LYPD6: variants seen among roughly 807,000 people sequenced by gnomAD.
The protein encoded by LYPD6 is LY6/PLAUR domain containing 6, also known as ly6/PLAUR domain-containing protein 6.
In LYPD6, 15 loss-of-function variants were observed where a neutral mutation model predicts 22.7. The ratio of observed to expected loss-of-function variants is 0.66; its 90% CI spans 0.44 to 1.02. The LOEUF (loss-of-function observed/expected upper bound fraction) is 1.02. Among genes scored for constraint, LYPD6 ranks in the 50% least tolerant of loss-of-function variants. The pLI, the probability that LYPD6 is intolerant of heterozygous loss-of-function variation, is 0.00. For synonymous variants in LYPD6, 72 were observed against 77.5 expected (o/e 0.93, Z 0.37); for missense variants, 189 against 208.4 (o/e 0.91, Z 0.57).
At chr2:149,378,919 A>G (rs76402136) in intron 1 of LYPD6, among the ~76,000 whole-genome samples, 4,839 of 152,316 alleles carry the variant, frequency 0.032, 240 homozygotes, top group African/African-American at 0.11. Flanking sequence ...CGGAATATAG[A>G]TCACAAAAAG....
At position 149,338,488 on chromosome 2, in the gene LYPD6, T is replaced by C. The variant is rs146111846; in HGVS notation, c.-72+7766T>C. Among the ~76,000 whole-genome samples, 800 of 152,274 alleles carry C rather than the reference T, an allele frequency of 5.3e-3. 4 individuals carry two copies. Among genetic ancestry groups the C allele is most frequent in the Middle Eastern group, 0.01 (3 of 294 alleles). ...TGTAATAGTATCAAAAGGTGGGGCC[T>C]TTTGGACAGAGCCCTCATGAGTGGG... On this transcript the variant is annotated intron_variant, in intron 1 of 4. Transcript: ENST00000334166.
chr2:149,378,875 G>C (rs763892577), intron 1 of LYPD6, among the ~76,000 whole-genome samples: 2 of 152,148 alleles, frequency 1.3e-5, no homozygotes, highest in East Asian at 1.9e-4. Context: ...CTATATCCTT[G>C]TTTTCTATAC....
chr2:149,461,452 C>G (rs1681086221), intron 3 of LYPD6, among the ~76,000 whole-genome samples: 1 of 151,582 alleles, frequency 6.6e-6, no homozygotes, highest in Non-Finnish European at 1.5e-5. Flanking sequence ...AGAATTTTAC[C>G]AAGTTTTAAT....
At chr2:149,430,600 C>A (rs1171707151) in intron 1 of LYPD6, among the ~76,000 whole-genome samples, 1 of 152,172 alleles carries the variant, frequency 6.6e-6, no homozygotes, top group African/African-American at 2.4e-5. Flanking sequence ...TGATTGTGAT[C>A]TTTGAGGCTT....
the LYPD6 span, among the ~76,000 whole-genome samples, chr2:149,482,269 G>A: frequency 1.3e-4 from 20 of 152,024 alleles, no homozygotes; most frequent in Non-Finnish European, 2.8e-4. Context: ...TTTAAGGAAG[G>A]TTACAAACAC....
At chr2:149,433,783 C>G (rs1045504263) in intron 1 of LYPD6, among the ~76,000 whole-genome samples, 2 of 152,132 alleles carry the variant, frequency 1.3e-5, no homozygotes, top group African/African-American at 4.8e-5. Flanking sequence ...CCCAGCAGCC[C>G]TATGGCATTT....
At chr2:149,449,839 G>A (rs1400388282) in intron 3 of LYPD6, among the ~76,000 whole-genome samples, 1 of 152,292 alleles carries the variant, frequency 6.6e-6, no homozygotes, top group Non-Finnish European at 1.5e-5. Context: ...TGAGCACAGG[G>A]AATTTTATTG....
At chr2:149,398,943 T>C (rs1367411412) in intron 1 of LYPD6, among the ~76,000 whole-genome samples, 1 of 152,080 alleles carries the variant, frequency 6.6e-6, no homozygotes, top group Non-Finnish European at 1.5e-5. Context: ...AAGAAATTGC[T>C]AAGAGATTAC....
chr2:149,415,340 T>C (rs1024328138), intron 1 of LYPD6, among the ~76,000 whole-genome samples: 1 of 152,104 alleles, frequency 6.6e-6, no homozygotes, highest in African/African-American at 2.4e-5. Context: ...GGGAGTAGTA[T>C]AGATCCCCCT....
chr2:149,394,734 G>T (rs1448467738), intron 1 of LYPD6, among the ~76,000 whole-genome samples: 2 of 151,998 alleles, frequency 1.3e-5, no homozygotes, highest in African/African-American at 4.8e-5. Context: ...ATTGTACATA[G>T]CTTTTAAAAG....
chr2:149,438,630 A>G (rs1683488471), intron 2 of LYPD6, among the ~76,000 whole-genome samples: 1 of 152,252 alleles, frequency 6.6e-6, no homozygotes, highest in African/African-American at 2.4e-5. Context: ...TTGAGTGTCC[A>G]CTGTGTGTCA....
chr2:149,337,412 G>T (rs1681056521), intron 1 of LYPD6, among the ~76,000 whole-genome samples: 1 of 152,102 alleles, frequency 6.6e-6, no homozygotes, highest in South Asian at 2.1e-4. Context: ...GTTTGTGCTG[G>T]TCATCTGGGA....
chr2:149,351,586 A>G (rs1681360159), intron 1 of LYPD6, among the ~76,000 whole-genome samples: 1 of 152,132 alleles, frequency 6.6e-6, no homozygotes, highest in African/African-American at 2.4e-5. Flanking sequence ...CATAAGGAAT[A>G]TTCTCTAGAT....
intron 3 of LYPD6, among the ~76,000 whole-genome samples, chr2:149,462,272 T>C (rs1184309371): frequency 6.6e-6 from 1 of 151,966 alleles, no homozygotes; most frequent in Non-Finnish European, 1.5e-5. Context: ...ATTTAAAATA[T>C]CCCATTTATA....
At chr2:149,372,906 C>T (rs1007996756) in intron 1 of LYPD6, among the ~76,000 whole-genome samples, 1 of 152,114 alleles carries the variant, frequency 6.6e-6, no homozygotes, top group Non-Finnish European at 1.5e-5. Context: ...GGGGTTGATC[C>T]CATCATTCCC....
At chr2:149,343,744 C>T (rs1204923615) in intron 1 of LYPD6, among the ~76,000 whole-genome samples, 1 of 152,170 alleles carries the variant, frequency 6.6e-6, no homozygotes, top group African/African-American at 2.4e-5. Flanking sequence ...ATGCTGTTTG[C>T]TGAATTATCA....
chr2:149,425,582 T>C (rs1683172798), intron 1 of LYPD6, among the ~76,000 whole-genome samples: 1 of 152,260 alleles, frequency 6.6e-6, no homozygotes, highest in South Asian at 2.1e-4. Context: ...CGCTCTTTTA[T>C]TAATAACCCC....
At chr2:149,353,109 T>C (rs1416218607) in intron 1 of LYPD6, among the ~76,000 whole-genome samples, 1 of 152,204 alleles carries the variant, frequency 6.6e-6, no homozygotes, top group Non-Finnish European at 1.5e-5. Flanking sequence ...AAACACTTCT[T>C]GGCCTGCTCT....
chr2:149,424,193 A>C (rs1683143024), intron 1 of LYPD6, among the ~76,000 whole-genome samples: 1 of 152,190 alleles, frequency 6.6e-6, no homozygotes, highest in Admixed American at 6.5e-5. Context: ...CTTCTATATC[A>C]AATCAACAAA....
Sources: allele counts gnomAD v4.1 joint callset (sites outside exome capture counted in the v4.1 genomes callset), GRCh38; gene constraint gnomAD v4.1.1; transcripts MANE v1.5; gene names NCBI Gene and HGNC (gene_info 2026-07-23, HGNC 2026-07-21).